DNAJC1: variants seen among roughly 807,000 people sequenced by gnomAD.
The protein encoded by DNAJC1 is DnaJ heat shock protein family (Hsp40) member C1.
Under a neutral mutation model 76.6 loss-of-function variants are expected in DNAJC1, and 58 were observed. The observed-to-expected ratio is 0.76, with a 90% confidence interval of 0.61 to 0.94. The LOEUF (loss-of-function observed/expected upper bound fraction) is 0.94, where lower values mean the gene tolerates loss of function less well. Ranked by LOEUF, DNAJC1 falls within the 40% of genes least tolerant of loss-of-function variation. The pLI is 0.00. For synonymous variants in DNAJC1, 258 were observed against 267.9 expected, an observed-to-expected ratio of 0.96 and a Z score of 0.36; for missense variants, 689 against 677.3, an observed-to-expected ratio of 1.02 and a Z score of -0.19.
At chr10:21,905,473 T>C (rs1836728947) in intron 6 of DNAJC1, among the ~76,000 whole-genome samples, 1 of 152,188 alleles carries the variant, frequency 6.6e-6, no homozygotes, top group Admixed American at 6.5e-5. Context: ...CTTTGCCCTC[T>C]GGCTACAATA....
intron 1 of DNAJC1, among the ~76,000 whole-genome samples, chr10:21,958,279 T>A (rs565183122): frequency 2.5e-4 from 38 of 152,302 alleles, no homozygotes; most frequent in African/African-American, 7.7e-4. Context: ...CAGCTTTATT[T>A]AAGTATAATT....
At position 21,915,326 on chromosome 10, in the gene DNAJC1, T is replaced by G. The variant is rs530095549; in HGVS notation, c.729+3453A>C. The stretch of plus-strand genomic sequence containing the variant: ...TTCCCAATCTTACCAGACGACCTTA[T>G]GTATGTGAAGCGTAGCAAAGGAATG... On this transcript the variant is annotated intron_variant, in intron 6 of 11. Coordinates refer to ENST00000376980, the MANE Select transcript of DNAJC1 (RefSeq NM_022365.4). 7.2e-5 allele frequency among the ~76,000 whole-genome samples: 11 copies of G among 152,236 alleles called. No individual in the cohort carries two copies. The South Asian group carries it at 2.3e-3, about 32-fold the overall frequency.
At chr10:21,989,048 T>C (rs1838291663) in intron 1 of DNAJC1, among the ~76,000 whole-genome samples, 1 of 152,184 alleles carries the variant, frequency 6.6e-6, no homozygotes, top group Non-Finnish European at 1.5e-5. Flanking sequence ...TTGACTGTTT[T>C]ACCCCCAGAC....
chr10:21,837,060 G>A (rs986764520), intron 8 of DNAJC1, among the ~76,000 whole-genome samples: 5 of 152,222 alleles, frequency 3.3e-5, no homozygotes, highest in Non-Finnish European at 5.9e-5. Context: ...GCAGGCGTGC[G>A]CCGCCACGCC....
intron 8 of DNAJC1, among the ~76,000 whole-genome samples, chr10:21,823,160 G>A (rs1835188563): frequency 6.6e-6 from 1 of 152,106 alleles, no homozygotes; most frequent in Non-Finnish European, 1.5e-5. Flanking sequence ...ACTGAAGTCT[G>A]CAAAATCACA....
intron 8 of DNAJC1, among the ~76,000 whole-genome samples, chr10:21,813,200 CTCTCTCTCTCTCTCTCTCTCTATATA>C (rs1835008912): frequency 2.5e-5 from 2 of 81,400 alleles, no homozygotes; most frequent in East Asian, 3.3e-4. Flanking sequence ...CTCTCTCTCT[CTCTCTCTCTCTCTCTCTCTCTATATA>C]TATATATATA....
intron 3 of DNAJC1, among the ~76,000 whole-genome samples, chr10:21,925,575 A>G (rs1195413091): frequency 6.6e-6 from 1 of 152,164 alleles, no homozygotes; most frequent in Admixed American, 6.5e-5. Flanking sequence ...CGTAAGTGGT[A>G]TATCCATACA....
At chr10:21,960,257 T>C (rs1165459936) in intron 1 of DNAJC1, among the ~76,000 whole-genome samples, 1 of 152,226 alleles carries the variant, frequency 6.6e-6, no homozygotes, top group Non-Finnish European at 1.5e-5. Flanking sequence ...TGTAACAACC[T>C]AGTTTAATTT....
At chr10:21,786,949 C>T (rs1227227182) in intron 9 of DNAJC1, among the ~76,000 whole-genome samples, 1 of 152,096 alleles carries the variant, frequency 6.6e-6, no homozygotes, top group African/African-American at 2.4e-5. Flanking sequence ...ATAATATTAA[C>T]AACCTTATGC....
chr10:21,898,664 TGCCTCA>T (rs750892082), intron 7 of DNAJC1, among the ~76,000 whole-genome samples: 1 of 151,896 alleles, frequency 6.6e-6, no homozygotes, highest in Non-Finnish European at 1.5e-5. Flanking sequence ...GCAATTCTTG[TGCCTCA>T]GCCTCCCAAG....
chr10:21,776,614 A>T (rs947141105), intron 9 of DNAJC1, among the ~76,000 whole-genome samples: 13 of 151,770 alleles, frequency 8.6e-5, no homozygotes, highest in Admixed American at 7.9e-4. Flanking sequence ...TCTCCTCCTA[A>T]ATAAGCCACC....
intron 9 of DNAJC1, among the ~76,000 whole-genome samples, chr10:21,786,687 C>G (rs1329318400): frequency 1.3e-5 from 2 of 151,806 alleles, no homozygotes; most frequent in Non-Finnish European, 2.9e-5. Flanking sequence ...TTTGGCCAGC[C>G]TGGTCTCGAA....
intron 8 of DNAJC1, among the ~76,000 whole-genome samples, chr10:21,880,711 A>G (rs1201745663): frequency 6.6e-6 from 1 of 152,198 alleles, no homozygotes; most frequent in African/African-American, 2.4e-5. Context: ...TGTTCCATTT[A>G]TAGAGCACAG....
chr10:21,963,320 C>G (rs923779699), intron 1 of DNAJC1, among the ~76,000 whole-genome samples: 1 of 152,136 alleles, frequency 6.6e-6, no homozygotes, highest in Non-Finnish European at 1.5e-5. Flanking sequence ...AGCGTTAACA[C>G]TGTAACACCT....
At chr10:21,882,788 C>A (rs959321977) in intron 7 of DNAJC1, among the ~76,000 whole-genome samples, 1 of 152,046 alleles carries the variant, frequency 6.6e-6, no homozygotes, top group Non-Finnish European at 1.5e-5. Context: ...TAATACTGGG[C>A]AAATAAATTA....
chr10:21,944,592 A>T (rs1837473395), intron 1 of DNAJC1, among the ~76,000 whole-genome samples: 1 of 152,164 alleles, frequency 6.6e-6, no homozygotes, highest in Non-Finnish European at 1.5e-5. Flanking sequence ...GAGATTGGAT[A>T]AGTCTAGGAT....
intron 8 of DNAJC1, among the ~76,000 whole-genome samples, chr10:21,855,142 T>C (rs1835814066): frequency 6.6e-6 from 1 of 152,162 alleles, no homozygotes; most frequent in African/African-American, 2.4e-5. Flanking sequence ...ATTTAATCAA[T>C]ACTGACGGAG....
At chr10:21,904,459 T>A in intron 7 of DNAJC1, 63 bp downstream of exon 7, 2 of 1,077,506 alleles carry the variant, frequency 1.9e-6, no homozygotes, top group Admixed American at 3.0e-5. Context: ...ATTTAAAAGA[T>A]AATTCACATT....
At chr10:21,980,000 T>C (rs1838127084) in intron 1 of DNAJC1, among the ~76,000 whole-genome samples, 1 of 152,072 alleles carries the variant, frequency 6.6e-6, no homozygotes, top group Non-Finnish European at 1.5e-5. Flanking sequence ...ATTTTTGTCT[T>C]GTTCCCCAGC....
Sources: gnomAD v4.1 joint callset for allele counts (sites outside exome capture counted in the v4.1 genomes callset) on GRCh38, gnomAD v4.1.1 for gene constraint, MANE v1.5 for transcripts, NCBI Gene and HGNC (gene_info 2026-07-23, HGNC 2026-07-21) for gene names.